Variants in SYNE1 observed in about 807,000 individuals in gnomAD.
SYNE1 encodes the protein nesprin-1.
A neutral mutation model predicts 1,111.0 loss-of-function variants in SYNE1; 616 were observed. The observed-to-expected ratio is 0.55, with a 90% CI of 0.52 to 0.59. SYNE1 has a LOEUF of 0.59. Ranked by LOEUF, SYNE1 falls within the 20% of genes least tolerant of loss-of-function variation. The pLI is 0.00. For missense variants in SYNE1, 10,006 were observed against 10,417.0 expected (o/e 0.96, Z 1.72); for synonymous variants, 3,855 against 3,825.8 (o/e 1.01, Z -0.28).
At chr6:152,367,830 G>T (rs2097107320) in intron 61 of SYNE1, 2 of 204,036 alleles carry the variant, frequency 9.8e-6, no homozygotes. Context: ...CCATACACAT[G>T]GTTTTGTTTA....
intron 49 of SYNE1, 137 bp downstream of exon 49, chr6:152,398,482 A>ACT: frequency 1.3e-6 from 1 of 742,832 alleles, no homozygotes; most frequent in African/African-American, 1.7e-5. Flanking sequence ...TTTCCTTCTG[A>ACT]CTCAATCAGC....
At chr6:152,245,983 C>T (rs1264737752) in intron 105 of SYNE1, among the ~76,000 whole-genome samples, 2 of 152,110 alleles carry the variant, frequency 1.3e-5, no homozygotes, top group Non-Finnish European at 2.9e-5. Flanking sequence ...GAATGTGGGG[C>T]CCCTGAGTCT....
intron 44 of SYNE1, among the ~76,000 whole-genome samples, chr6:152,407,510 G>T (rs913664846): frequency 6.6e-6 from 1 of 152,000 alleles, no homozygotes; most frequent in East Asian, 1.9e-4. Context: ...ACAGGACAAA[G>T]GTCCATCAAG....
chr6:152,311,085 T>C (rs1387684208), intron 87 of SYNE1: 1 of 606,714 alleles, frequency 1.6e-6, no homozygotes, highest in East Asian at 2.9e-5. Flanking sequence ...CTGTAAACAA[T>C]GTGCAGAGGT....
In SYNE1 at chr6:152,148,360, C is replaced by T. The variant is rs765141009; in HGVS notation, c.24661G>A (p.Asp8221Asn). ...IRLPLPDDEH[D>N]LSDRELELED... ...AGCTCCAGCTCCCTGTCTGAGAGGT[C>T]GTGCTCATCGTCTGGGAGCTAGAAG... The change falls in exon 137 of 146, where the codon GAC becomes AAC. Residue 8221 changes from aspartate to asparagine, a missense_variant. Coordinates refer to ENST00000367255, the MANE Select transcript of SYNE1 (RefSeq NM_182961.4). This position sits in a 1 kb window ranked among gnomAD's most constrained non-coding sequence, Gnocchi z 4.1. The T allele has an allele frequency of 1.1e-5, 18 of 1,613,960 alleles. 1 individual carries two copies. The highest frequency in any genetic ancestry group is 5.5e-5 in the South Asian group (5 of 91,018).
At chr6:152,558,281 G>A (rs957198705) in intron 3 of SYNE1, among the ~76,000 whole-genome samples, 10 of 152,026 alleles carry the variant, frequency 6.6e-5, no homozygotes, top group African/African-American at 1.4e-4. Flanking sequence ...GAGGAAGAAC[G>A]GAATAAAGTA....
chr6:152,224,712 G>A (rs777418167), intron 116 of SYNE1, 48 bp from the exon 117 acceptor site: 1 of 1,546,632 alleles, frequency 6.5e-7, no homozygotes, highest in Middle Eastern at 1.7e-4. Context: ...TATCTAGAAT[G>A]ATGGAATATA....
intron 104 of SYNE1, among the ~76,000 whole-genome samples, chr6:152,254,007 A>AAAGTTTAT (rs1259574123): frequency 6.6e-6 from 1 of 151,574 alleles, no homozygotes; most frequent in East Asian, 1.9e-4. Flanking sequence ...ATCAGCACTA[A>AAAGTTTAT]AAGTTTATCA....
At chr6:152,524,737 A>G (rs1388468800) in intron 5 of SYNE1, among the ~76,000 whole-genome samples, 2 of 152,152 alleles carry the variant, frequency 1.3e-5, no homozygotes, top group Admixed American at 1.3e-4. Context: ...GGAAAAGCTA[A>G]CAAAGGATGT....
intron 140 of SYNE1, among the ~76,000 whole-genome samples, chr6:152,137,775 T>C (rs2057402500): frequency 6.6e-6 from 1 of 152,216 alleles, no homozygotes; most frequent in Non-Finnish European, 1.5e-5. Flanking sequence ...TAACATACTG[T>C]AGAATAGATT....
Position 152,353,712 on chromosome 6 carries a change from A to G in SYNE1, c.10959T>C (p.Asp3653=). The G allele has an allele frequency of 1.2e-6, 2 of 1,614,028 alleles. No individual in the cohort carries two copies. Among genetic ancestry groups the G allele is most frequent in the Non-Finnish European group, 1.7e-6 (2 of 1,180,024 alleles). The change falls in exon 68 of 146, where the codon GAT becomes GAC. Residue 3653 remains aspartate (D), a synonymous_variant. Transcript: ENST00000367255. Reference sequence around the variant, plus strand: ...CTCTAGCTCCCACTTCCTCAACTTCATCTCTGTATGCAGTCACTTCTTCGT... The same window carrying G: ...CTCTAGCTCCCACTTCCTCAACTTCGTCTCTGTATGCAGTCACTTCTTCGT... ...KWHEEVTAYR[D]EVEEVGARAQ...
intron 3 of SYNE1, among the ~76,000 whole-genome samples, chr6:152,579,525 C>T (rs2099512236): frequency 6.6e-6 from 1 of 151,982 alleles, no homozygotes. Flanking sequence ...TTCTTTCCAA[C>T]TTTTATTTTA....
In SYNE1 at chr6:152,380,900, G is replaced by T. The variant is rs530022346; in HGVS notation, c.9009+106C>A. On this transcript the variant is annotated intron_variant, in intron 56 of 145. Transcript: ENST00000367255. ...TGAGATAAATACTTCTTCCAAGTGTGCATGTTGCGTGTTTTTAGTTAGCAA... is the reference window on the plus strand; with the variant it reads ...TGAGATAAATACTTCTTCCAAGTGTTCATGTTGCGTGTTTTTAGTTAGCAA... The T allele has an allele frequency of 1.9e-5, 19 of 1,016,180 alleles. No homozygotes were observed. The South Asian group carries it at 2.2e-4, about 12-fold the overall frequency. 62.9% of individuals were successfully genotyped at this position (1,016,180 alleles called of 1,614,324 possible).
chr6:152,305,978 G>C (rs1431821179), intron 91 of SYNE1, among the ~76,000 whole-genome samples: 1 of 152,124 alleles, frequency 6.6e-6, no homozygotes, highest in Admixed American at 6.6e-5. Context: ...TGACCTTGGG[G>C]GACTCATTTA....
chr6:152,267,148 T>C (rs1279826687), intron 100 of SYNE1, among the ~76,000 whole-genome samples: 4 of 152,326 alleles, frequency 2.6e-5, no homozygotes, highest in African/African-American at 9.6e-5. Flanking sequence ...ACAAATAATA[T>C]TTCCAAAACC....
At position 152,564,789 on chromosome 6, in the gene SYNE1, C is replaced by T. The variant is rs541078403; in HGVS notation, c.68-24768G>A. On this transcript the variant is annotated intron_variant, in intron 3 of 145. Transcript: ENST00000367255. ...TTGGGGTCTAGGAGTGCAACAGATC[C>T]GACTCGGGATCCCAGCATCATCATT... is the stretch of plus-strand genomic sequence containing the variant. Among the ~76,000 whole-genome samples the T allele has an allele frequency of 3.3e-5, 5 of 152,150 alleles. No individual in the cohort carries two copies. In the South Asian group the frequency reaches 6.2e-4, roughly 19 times the overall value.
chr6:152,252,240 C>A (rs1227301008), intron 104 of SYNE1, among the ~76,000 whole-genome samples: 1 of 151,808 alleles, frequency 6.6e-6, no homozygotes, highest in East Asian at 1.9e-4. Context: ...CCATTGCACT[C>A]CAGCCTGGGC....
intron 3 of SYNE1, among the ~76,000 whole-genome samples, chr6:152,566,794 A>T (rs1442791072): frequency 6.6e-6 from 1 of 152,174 alleles, no homozygotes; most frequent in Non-Finnish European, 1.5e-5. Context: ...TTAAGGGCCT[A>T]ATCTCGGGTA....
At position 152,450,823 on chromosome 6, in the gene SYNE1, C is replaced by A. The variant is rs2098641619; in HGVS notation, c.3197G>T (p.Ser1066Ile). The A allele has an allele frequency of 6.2e-7, 1 of 1,613,862 alleles. No homozygotes were observed. The highest frequency in any genetic ancestry group is 1.3e-5 in the African/African-American group (1 of 74,898). Reference protein sequence around the residue: ...KIIKEHRVFFSDKGPHHLCEK... With the variant: ...KIIKEHRVFFIDKGPHHLCEK... ...ACAGAGATGATGAGGACCTTTGTCA[C>A]TGAAGAAAACCTAATGTGTAATAAA... Residue 1066 changes from serine to isoleucine, a missense_variant, in exon 27 of 146, where the codon AGT becomes ATT. By Grantham distance (142) the Ser-to-Ile change is moderately radical. This residue lies in a region of SYNE1 where 1,971 missense variants were observed against 2,084.1 expected (regional missense o/e 0.95). Transcript: ENST00000367255.
Sources: gnomAD v4.1 joint callset for allele counts (sites outside exome capture counted in the v4.1 genomes callset) on GRCh38, gnomAD v4.1.1 for gene constraint, gnomAD v4.1.1 regional missense constraint, Gnocchi (gnomAD v3.1) non-coding constraint, MANE v1.5 for transcripts, NCBI Gene and HGNC (gene_info 2026-07-23, HGNC 2026-07-21) for gene names.